The following NRG3 variants were observed in gnomAD, a reference collection of about 807,000 sequenced individuals.
The protein encoded by NRG3 is neuregulin 3.
In NRG3, 31 loss-of-function variants were observed where a neutral mutation model predicts 66.9. The observed-to-expected ratio is 0.46, with a 90% CI of 0.35 to 0.63. The LOEUF (loss-of-function observed/expected upper bound fraction) is 0.63. Among genes scored for constraint, NRG3 ranks in the 20% least tolerant of loss-of-function variants. NRG3 has a pLI of 0.00. For synonymous variants in NRG3, 393 were observed against 359.4 expected, an observed-to-expected ratio of 1.09 and a Z score of -1.06; for missense variants, 910 against 878.9, an observed-to-expected ratio of 1.04 and a Z score of -0.45.
At chr10:82,645,144 T>C (rs373922030) in intron 2 of NRG3, among the ~76,000 whole-genome samples, 1 of 152,160 alleles carries the variant, frequency 6.6e-6, no homozygotes, top group African/African-American at 2.4e-5. Context: ...AGTATCATGA[T>C]AGAAAACTGT....
chr10:82,511,824 C>T (rs912921750), intron 2 of NRG3, among the ~76,000 whole-genome samples: 2 of 151,690 alleles, frequency 1.3e-5, no homozygotes, highest in African/African-American at 2.4e-5. Flanking sequence ...GACACCTCAG[C>T]TTCTCTCGTG....
rs139292827 is a variant in NRG3 at position 81,900,423 on chromosome 10, G to C, written c.823+24260G>C. 7.6e-4 allele frequency among the ~76,000 whole-genome samples: 116 copies of C among 152,348 alleles called. 3 individuals carry two copies. In the East Asian group the frequency reaches 0.02, roughly 27 times the overall value. ...AATTACTCCAGAAATTAAGCCAAAT[G>C]AATTTTGGAGAGTCTGAGAATCTTA... is the stretch of plus-strand genomic sequence containing the variant. On this transcript the variant is annotated intron_variant, in intron 1 of 8. Coordinates refer to ENST00000372141, the MANE Select transcript of NRG3 (RefSeq NM_001010848.4).
At chr10:82,425,217 C>T (rs2089346589) in intron 2 of NRG3, among the ~76,000 whole-genome samples, 2 of 152,090 alleles carry the variant, frequency 1.3e-5, no homozygotes. Flanking sequence ...ATTGAATCTG[C>T]TCATCAACTT....
At chr10:82,765,786 T>C (rs190726377) in intron 3 of NRG3, among the ~76,000 whole-genome samples, 24 of 152,266 alleles carry the variant, frequency 1.6e-4, no homozygotes, top group Non-Finnish European at 2.6e-4. Context: ...TGTAGCAAGG[T>C]TTGTAGACTG....
chr10:82,801,795 T>A (rs1005666479), intron 3 of NRG3, among the ~76,000 whole-genome samples: 3 of 152,164 alleles, frequency 2.0e-5, no homozygotes, highest in Non-Finnish European at 4.4e-5. Flanking sequence ...CCTGTGGCAT[T>A]TGTTTTCTCC....
chr10:81,965,210 G>A (rs998843559), intron 1 of NRG3, among the ~76,000 whole-genome samples: 4 of 152,094 alleles, frequency 2.6e-5, no homozygotes, highest in Admixed American at 6.6e-5. Context: ...GGTGGCTCTG[G>A]TTATAGTATA....
At position 82,161,339 on chromosome 10, in the gene NRG3, T is replaced by A. The variant is rs576032436; in HGVS notation, c.824-197400T>A. On this transcript the variant is annotated intron_variant, in intron 1 of 8. Transcript: ENST00000372141. ...GGGTGCACTGTTCTCAGAATTTGTG[T>A]GGATATGATAACACAAGTCCTGAGT... Among the ~76,000 whole-genome samples, 9 of 152,212 alleles carry A rather than the reference T, an allele frequency of 5.9e-5. No individual in the cohort carries two copies. In the East Asian group the frequency reaches 1.7e-3, roughly 29 times the overall value.
At chr10:82,337,067 C>T (rs763518762) in intron 1 of NRG3, among the ~76,000 whole-genome samples, 34 of 152,232 alleles carry the variant, frequency 2.2e-4, no homozygotes, top group Middle Eastern at 3.4e-3. Flanking sequence ...AGAATCTTAA[C>T]TACTGAGCCA....
chr10:82,315,667 G>GTTT (rs754250306), intron 1 of NRG3, among the ~76,000 whole-genome samples: 3 of 136,354 alleles, frequency 2.2e-5, no homozygotes, highest in African/African-American at 5.4e-5. Context: ...TACGTTTGTT[G>GTTT]TTTTTTTTTT....
At chr10:82,106,788 C>T (rs908629165) in intron 1 of NRG3, among the ~76,000 whole-genome samples, 5 of 152,004 alleles carry the variant, frequency 3.3e-5, no homozygotes, top group Admixed American at 6.6e-5. Context: ...TTTACAGGTG[C>T]GAGCCACTGC....
chr10:82,350,808 A>G (rs7917348), intron 1 of NRG3, among the ~76,000 whole-genome samples: 57,923 of 151,858 alleles, frequency 0.38, 16,176 homozygotes, highest in African/African-American at 0.78. Context: ...GAAAGGGTTT[A>G]TCAATCTCGT....
chr10:82,745,187 G>T (rs2058593268), intron 3 of NRG3, among the ~76,000 whole-genome samples: 1 of 152,168 alleles, frequency 6.6e-6, no homozygotes, highest in Non-Finnish European at 1.5e-5. Flanking sequence ...AGATTGCAGT[G>T]AGCTATTCAC....
At chr10:82,358,707 G>C in intron 1 of NRG3, 32 bp from the exon 2 acceptor site, 1 of 1,613,554 alleles carries the variant, frequency 6.2e-7, no homozygotes, top group Non-Finnish European at 8.5e-7. Context: ...ATGTACTGCT[G>C]ACAGCGTTTC....
chr10:82,779,882 C>A (rs1445535574), intron 3 of NRG3, among the ~76,000 whole-genome samples: 1 of 149,348 alleles, frequency 6.7e-6, no homozygotes, highest in Non-Finnish European at 1.5e-5. Flanking sequence ...TAGCCCCCCA[C>A]CCCCCGACAG....
rs191871841 is a variant in NRG3, at chr10:82,931,187, G to A, written c.1055-20282G>A. ...TACTAGAAATTTGGGAGCCATGCCCGATCCAATTTCCTTCATATCACCCAT... is the reference window on the plus strand; with the variant it reads ...TACTAGAAATTTGGGAGCCATGCCCAATCCAATTTCCTTCATATCACCCAT... On this transcript the variant is annotated intron_variant, in intron 4 of 8. Coordinates refer to ENST00000372141, the MANE Select transcript of NRG3 (RefSeq NM_001010848.4). Among the ~76,000 whole-genome samples the A allele has an allele frequency of 1.2e-3, 183 of 152,222 alleles. 3 individuals carry two copies. Among genetic ancestry groups the A allele is most frequent in the African/African-American group, 4.0e-3 (168 of 41,532 alleles).
chr10:82,423,170 C>T (rs986295197), intron 2 of NRG3, among the ~76,000 whole-genome samples: 2 of 151,780 alleles, frequency 1.3e-5, no homozygotes, highest in African/African-American at 4.8e-5. Context: ...ATGTCTAAAA[C>T]AAATTGAAAC....
intron 3 of NRG3, among the ~76,000 whole-genome samples, chr10:82,831,874 A>G (rs1174846968): frequency 6.6e-6 from 1 of 152,130 alleles, no homozygotes; most frequent in Non-Finnish European, 1.5e-5. Flanking sequence ...TGGAGTCAGC[A>G]TTGCTGTCCA....
In NRG3 at chr10:82,954,800, T is replaced by TTGTG. The variant is rs113113874; in HGVS notation, c.1157+3256_1157+3259dup. Among the ~76,000 whole-genome samples the TTGTG allele has an allele frequency of 6.5e-4, 96 of 147,190 alleles. 2 individuals are homozygous for TTGTG. Among genetic ancestry groups the TTGTG allele is most frequent in the African/African-American group, 1.5e-3 (61 of 39,636 alleles). ...GATTGTCATAAAACCCTGGCACAAG[T>TTGTG]TGTGTGTGTGTGTGTGTGTGTGTGT... On this transcript the variant is annotated intron_variant, in intron 5 of 8. Coordinates refer to ENST00000372141, the MANE Select transcript of NRG3 (RefSeq NM_001010848.4).
At chr10:82,498,090 G>A (rs1383630) in intron 2 of NRG3, among the ~76,000 whole-genome samples, 3 of 144,058 alleles carry the variant, frequency 2.1e-5, no homozygotes, top group Non-Finnish European at 1.5e-5. Context: ...GAGTTATTTG[G>A]TTTTTTTTTT....
Sources: gnomAD v4.1 joint callset for allele counts (sites outside exome capture counted in the v4.1 genomes callset) on GRCh38, gnomAD v4.1.1 for gene constraint, MANE v1.5 for transcripts, NCBI Gene and HGNC (gene_info 2026-07-23, HGNC 2026-07-21) for gene names.